Variants in PATJ observed in about 807,000 individuals in gnomAD.
PATJ encodes the protein PATJ crumbs cell polarity complex component, also known as inaD-like protein.
Under a neutral mutation model 224.9 loss-of-function variants are expected in PATJ, and 190 were observed. The ratio of observed to expected loss-of-function variants is 0.84; its 90% CI spans 0.75 to 0.95. The LOEUF is 0.95. PATJ is among the 40% of genes least tolerant of loss of function. PATJ has a pLI of 0.00. For synonymous variants in PATJ, 769 were observed against 820.3 expected (o/e 0.94, Z 1.07); for missense variants, 2,121 against 2,270.3 (o/e 0.93, Z 1.34).
At chr1:62,057,876 A>C (rs1654808714) in intron 31 of PATJ, among the ~76,000 whole-genome samples, 1 of 152,232 alleles carries the variant, frequency 6.6e-6, no homozygotes. Flanking sequence ...TGCCCTGGAC[A>C]GATGTGCTTA....
At chr1:61,982,257 T>G (rs531301657) in intron 27 of PATJ, among the ~76,000 whole-genome samples, 1 of 152,144 alleles carries the variant, frequency 6.6e-6, no homozygotes, top group East Asian at 1.9e-4. Context: ...CATTTTAGGG[T>G]ATTGTGTTCT....
chr1:62,123,209 A>G (rs1301110121), intron 39 of PATJ, 151 bp downstream of exon 39: 1 of 588,622 alleles, frequency 1.7e-6, no homozygotes, highest in Non-Finnish European at 2.9e-6. Context: ...CAATAAATAG[A>G]CTTAGAAAAG....
rs532117413 is a variant in PATJ, at chr1:61,862,899, T to C, written c.2439+1232T>C. 5.9e-5 allele frequency among the ~76,000 whole-genome samples: 9 copies of C among 152,214 alleles called. No homozygotes were observed. In the South Asian group the frequency reaches 1.7e-3, roughly 28 times the overall value. ...ATGTAGACAGTGTCTCAAGATGATA[T>C]ATGTTTCTATGATGTCTATTATATT... On this transcript the variant is annotated intron_variant, in intron 19 of 43. Coordinates refer to ENST00000642238, the MANE Select transcript of PATJ (RefSeq NM_001350145.3).
At chr1:61,747,387 C>T (rs1272299166) in intron 1 of PATJ, among the ~76,000 whole-genome samples, 1 of 151,028 alleles carries the variant, frequency 6.6e-6, no homozygotes, top group Admixed American at 6.6e-5. Flanking sequence ...AGTTTGGAGA[C>T]AAGGAATTGG....
At chr1:62,089,155 G>C (rs1281266118) in intron 33 of PATJ, among the ~76,000 whole-genome samples, 1 of 152,140 alleles carries the variant, frequency 6.6e-6, no homozygotes, top group African/African-American at 2.4e-5. Context: ...CTAGCTGAAT[G>C]AGTTGTGGTT....
intron 7 of PATJ, among the ~76,000 whole-genome samples, chr1:61,783,318 A>G (rs761781435): frequency 2.6e-5 from 4 of 151,862 alleles, no homozygotes; most frequent in Non-Finnish European, 4.4e-5. Context: ...TTGCCTTTTG[A>G]TTGAAGACCA....
intron 4 of PATJ, among the ~76,000 whole-genome samples, chr1:61,768,992 AG>A (rs1397947223): frequency 1.3e-5 from 2 of 152,248 alleles, no homozygotes; most frequent in African/African-American, 4.8e-5. Context: ...CTATGGGAAA[AG>A]GCATTTTTCT....
At chr1:62,044,280 C>G (rs1335895526) in intron 30 of PATJ, among the ~76,000 whole-genome samples, 2 of 152,218 alleles carry the variant, frequency 1.3e-5, no homozygotes, top group Admixed American at 6.5e-5. Context: ...TTCACCCCAT[C>G]CACCAGCCCC....
At chr1:62,016,722 G>A (rs969261098) in intron 28 of PATJ, among the ~76,000 whole-genome samples, 1 of 152,164 alleles carries the variant, frequency 6.6e-6, no homozygotes, top group Non-Finnish European at 1.5e-5. Context: ...ATGAGCATAT[G>A]ACTCATTGAT....
intron 4 of PATJ, 143 bp downstream of exon 4, chr1:61,766,616 C>T: frequency 1.9e-6 from 1 of 524,114 alleles, no homozygotes; most frequent in Non-Finnish European, 3.2e-6. Context: ...TTAGGAGAAA[C>T]TGACACCATT....
At chr1:61,861,284 C>CTATTTTTTTTTT (rs1664499313) in intron 18 of PATJ, among the ~76,000 whole-genome samples, 1 of 48,872 alleles carries the variant, frequency 2.0e-5, no homozygotes, top group East Asian at 1.5e-3. Flanking sequence ...TTCTTTCTTT[C>CTATTTTTTTTTT]TTTTTTTTTT....
chr1:61,834,774 G>A (rs1040275740), intron 17 of PATJ, among the ~76,000 whole-genome samples: 1 of 151,988 alleles, frequency 6.6e-6, no homozygotes, highest in Non-Finnish European at 1.5e-5. Context: ...ACAGAGTCTC[G>A]TTCTGTCTCC....
Position 62,163,023 on chromosome 1 carries a change from CA to C in PATJ, c.*1971del. The C allele has an allele frequency of 8.0e-6, 2 of 251,004 alleles. No homozygotes were observed. Among genetic ancestry groups the C allele is most frequent in the Non-Finnish European group, 1.7e-5 (2 of 121,164 alleles). 15.5% of individuals were successfully genotyped at this position (251,004 alleles called of 1,614,324 possible). A position where few individuals can be genotyped will look rare whatever the true frequency, so the allele number is the denominator to read the frequency against. ...AGTTCAGCATTATTTAACTACAACACAATGCTGCAAATATTTCACAGTAATT... is the reference window on the plus strand; with the variant it reads ...AGTTCAGCATTATTTAACTACAACACATGCTGCAAATATTTCACAGTAATT... On this transcript the variant is annotated 3_prime_UTR_variant, in exon 44 of 44. Transcript: ENST00000642238.
chr1:61,997,758 A>G (rs1370870720), intron 28 of PATJ, among the ~76,000 whole-genome samples: 1 of 150,386 alleles, frequency 6.6e-6, no homozygotes, highest in Non-Finnish European at 1.5e-5. Context: ...TGCTATTCTT[A>G]TCTTCTTAGT....
intron 27 of PATJ, chr1:61,952,387 A>G (rs1679843886): frequency 2.8e-6 from 2 of 717,142 alleles, no homozygotes; most frequent in South Asian, 1.5e-5. Context: ...AGGGAACACA[A>G]CAATGGTCCA....
At chr1:61,812,429 A>AGTGTGT (rs1355150780) in intron 14 of PATJ, among the ~76,000 whole-genome samples, 2 of 111,376 alleles carry the variant, frequency 1.8e-5, no homozygotes, top group African/African-American at 6.9e-5. Context: ...AGAGAGAGAG[A>AGTGTGT]GAGAGTGTGT....
At chr1:61,811,913 T>C (rs1654844274) in intron 14 of PATJ, among the ~76,000 whole-genome samples, 1 of 151,266 alleles carries the variant, frequency 6.6e-6, no homozygotes, top group East Asian at 2.0e-4. Context: ...TACAAAAAAT[T>C]AGCCGGGCGT....
intron 20 of PATJ, among the ~76,000 whole-genome samples, chr1:61,869,216 C>T (rs184522252): frequency 2.2e-3 from 331 of 147,646 alleles, no homozygotes; most frequent in Admixed American, 3.8e-3. Context: ...ACGCCATTCT[C>T]CTGCCTCAGC....
intron 27 of PATJ, among the ~76,000 whole-genome samples, chr1:61,987,445 T>A (rs113338498): frequency 9.9e-5 from 15 of 152,254 alleles, no homozygotes; most frequent in African/African-American, 3.6e-4. Flanking sequence ...GAGAGGTGTG[T>A]TAAAATTGGT....
Sources: gnomAD v4.1 joint callset for allele counts (sites outside exome capture counted in the v4.1 genomes callset) on GRCh38, gnomAD v4.1.1 for gene constraint, MANE v1.5 for transcripts, NCBI Gene and HGNC (gene_info 2026-07-23, HGNC 2026-07-21) for gene names.